The following CHN2 variants were observed in gnomAD, a reference collection of about 807,000 sequenced individuals.
The protein encoded by CHN2 is beta-chimaerin.
In CHN2, 35 loss-of-function variants were observed where a neutral mutation model predicts 56.3. That is an observed-to-expected ratio of 0.62 (90% CI 0.47 to 0.82). The LOEUF (loss-of-function observed/expected upper bound fraction) is 0.82, where lower values mean the gene tolerates loss of function less well. Among genes scored for constraint, CHN2 ranks in the 40% least tolerant of loss-of-function variants. CHN2 has a pLI of 0.00. For missense variants in CHN2, 491 were observed against 580.5 expected (o/e 0.85, Z 1.58); for synonymous variants, 210 against 212.8 (o/e 0.99, Z 0.12).
intron 1 of CHN2, among the ~76,000 whole-genome samples, chr7:29,331,034 T>C (rs532766517): frequency 6.6e-6 from 1 of 152,338 alleles, no homozygotes; most frequent in Admixed American, 6.5e-5. Flanking sequence ...ATGGAAAATG[T>C]AGAAGGATGT....
At chr7:29,209,657 AT>A (rs1464925540) in intron 1 of CHN2, among the ~76,000 whole-genome samples, 1 of 152,224 alleles carries the variant, frequency 6.6e-6, no homozygotes, top group Non-Finnish European at 1.5e-5. Flanking sequence ...GAACTATATT[AT>A]TAGAAAGGCA....
At chr7:29,313,143 C>T (rs146565184) in intron 1 of CHN2, among the ~76,000 whole-genome samples, 12 of 152,264 alleles carry the variant, frequency 7.9e-5, no homozygotes, top group Admixed American at 2.0e-4. Context: ...TTAATTCTTT[C>T]GTAGATTTCC....
rs780630356 is a variant in CHN2, at chr7:29,322,431, A to G, written c.50-32194A>G. Among the ~76,000 whole-genome samples the G allele has an allele frequency of 3.3e-5, 5 of 152,224 alleles. No individual in the cohort carries two copies. In the South Asian group the frequency reaches 6.2e-4, roughly 19 times the overall value. On this transcript the variant is annotated intron_variant, in intron 1 of 12. Transcript: ENST00000222792. ...GGAACAGCCTTTGCCAAATCTCCCC[A>G]AGCTTCTCCAGCTACAAAATGGGCA...
At chr7:29,429,037 G>A (rs1805151736) in intron 6 of CHN2, among the ~76,000 whole-genome samples, 2 of 152,064 alleles carry the variant, frequency 1.3e-5, no homozygotes, top group African/African-American at 4.8e-5. Context: ...AGTGGGGACT[G>A]TAACTGGCTA....
chr7:29,382,716 A>G (rs1159110650), intron 3 of CHN2, among the ~76,000 whole-genome samples: 1 of 150,874 alleles, frequency 6.6e-6, no homozygotes, highest in Non-Finnish European at 1.5e-5. Context: ...CAGGCCTTTT[A>G]TAAAGTTCAG....
At chr7:29,453,681 C>T (rs181353287) in intron 6 of CHN2, among the ~76,000 whole-genome samples, 61 of 152,290 alleles carry the variant, frequency 4.0e-4, no homozygotes, top group African/African-American at 1.2e-3. Flanking sequence ...AACATTGAAA[C>T]CTAACTAGGT....
intron 2 of CHN2, among the ~76,000 whole-genome samples, chr7:29,179,300 C>A (rs1797773446): frequency 6.6e-6 from 1 of 152,234 alleles, no homozygotes; most frequent in African/African-American, 2.4e-5. Context: ...CACGCCAAGT[C>A]ATGAGGAAGA....
chr7:29,259,820 G>T (rs1789397879), intron 1 of CHN2, among the ~76,000 whole-genome samples: 1 of 152,136 alleles, frequency 6.6e-6, no homozygotes, highest in Admixed American at 6.6e-5. Context: ...ATATCAAATT[G>T]TCACATCATA....
chr7:29,238,107 T>C lies in CHN2; in HGVS notation c.49+43117T>C, dbSNP rs1584826299. 3.7e-5 allele frequency among the ~76,000 whole-genome samples: 5 copies of C among 134,654 alleles called. No individual in the cohort carries two copies. In the South Asian group the frequency reaches 1.2e-3, roughly 33 times the overall value. The allele number at this position is 134,654 out of a possible 152,430, so 88.3% of individuals were successfully genotyped here. A position where few individuals can be genotyped will look rare whatever the true frequency, so the allele number is the denominator to read the frequency against. On this transcript the variant is annotated intron_variant, in intron 1 of 12. Transcript: ENST00000222792. ...ATCTCGGCTTGCTGCAACCTCCACC[T>C]CCCGGGTTCAAGCGATTTGCCTGCC...
rs1175155149 is a variant in CHN2 at position 29,463,387 on chromosome 7, A to T, written c.577-16892A>T. Among the ~76,000 whole-genome samples, 4 of 152,238 alleles carry T rather than the reference A, an allele frequency of 2.6e-5. No homozygotes were observed. In the East Asian group the frequency reaches 7.8e-4, roughly 30 times the overall value. On this transcript the variant is annotated intron_variant, in intron 6 of 12. Transcript: ENST00000222792. ...AGTTGACCACAGAGTAACCACCTGC[A>T]ACCACACAAGTATGCCCAAAGCAGT...
At chr7:29,314,724 A>G (rs1319161212) in intron 1 of CHN2, among the ~76,000 whole-genome samples, 2 of 152,160 alleles carry the variant, frequency 1.3e-5, no homozygotes, top group African/African-American at 4.8e-5. Flanking sequence ...ACTGAGGAGG[A>G]TAGGTAGGGA....
intron 2 of CHN2, among the ~76,000 whole-genome samples, chr7:29,180,962 C>T (rs1797999499): frequency 6.6e-6 from 1 of 152,180 alleles, no homozygotes; most frequent in African/African-American, 2.4e-5. Context: ...CCAGTACTTA[C>T]TATTATTTTG....
At chr7:29,420,043 G>C (rs1249912791) in intron 6 of CHN2, among the ~76,000 whole-genome samples, 2 of 141,888 alleles carry the variant, frequency 1.4e-5, no homozygotes, top group African/African-American at 5.1e-5. Flanking sequence ...CCAGGTGACA[G>C]AGTGAGACTC....
At chr7:29,254,552 A>G (rs1419006623) in intron 1 of CHN2, among the ~76,000 whole-genome samples, 1 of 152,192 alleles carries the variant, frequency 6.6e-6, no homozygotes, top group East Asian at 1.9e-4. Flanking sequence ...CGCTCTAAGG[A>G]GTTTAAGCAG....
chr7:29,146,686 A>G lies in CHN2; in HGVS notation c.103A>G (p.Lys35Glu). The stretch of plus-strand genomic sequence containing the variant: ...CAGCGCTTCCCATGCTGGAAGAAGC[A>G]AGCAGCCCCAGGGTGGAATCTTAAA... Residue 35 changes from lysine to glutamate, a missense_variant, in exon 1 of 7, where the codon AAG (lysine) becomes GAG (glutamate). Lys to Glu is a moderately conservative substitution (Grantham distance 56). Transcript: ENST00000439384. 2.6e-6 allele frequency: 4 copies of G among 1,550,676 alleles called. No individual in the cohort carries two copies. The South Asian group carries it at 4.8e-5, about 18-fold the overall frequency.
chr7:29,353,739 G>A (rs187829902), intron 1 of CHN2, among the ~76,000 whole-genome samples: 1 of 152,262 alleles, frequency 6.6e-6, no homozygotes, highest in Admixed American at 6.5e-5. Context: ...TGAGAACAGA[G>A]TTTCCATATC....
intron 2 of CHN2, among the ~76,000 whole-genome samples, chr7:29,167,064 C>A (rs62444097): frequency 0.066 from 10,012 of 152,044 alleles, 473 homozygotes; most frequent in East Asian, 0.24. Context: ...GTTTACAACT[C>A]CAAACAACTT....
intron 2 of CHN2, among the ~76,000 whole-genome samples, chr7:29,176,487 G>A (rs1341692166): frequency 6.6e-6 from 1 of 152,142 alleles, no homozygotes; most frequent in East Asian, 1.9e-4. Context: ...ATTGCTGAAG[G>A]AAATTAACTG....
At chr7:29,478,697 C>T (rs28507967) in intron 6 of CHN2, among the ~76,000 whole-genome samples, 5,603 of 152,218 alleles carry the variant, frequency 0.037, 310 homozygotes, top group African/African-American at 0.12. Flanking sequence ...CCAAAAGAAT[C>T]GGGAATAAAA....
Sources: gnomAD v4.1 joint callset for allele counts (sites outside exome capture counted in the v4.1 genomes callset) on GRCh38, gnomAD v4.1.1 for gene constraint, MANE v1.5 for transcripts, NCBI Gene and HGNC (gene_info 2026-07-23, HGNC 2026-07-21) for gene names.